Variants in CLSTN2 observed in about 807,000 individuals in gnomAD.
CLSTN2 encodes calsyntenin-2.
CLSTN2 carries 48 observed loss-of-function variants against 101.2 expected under a neutral mutation model. That is an observed-to-expected ratio of 0.47 (90% CI 0.38 to 0.60). The LOEUF (loss-of-function observed/expected upper bound fraction) is 0.60. Ranked by LOEUF, CLSTN2 falls within the 20% of genes least tolerant of loss-of-function variation. The pLI, the probability that CLSTN2 is intolerant of heterozygous loss-of-function variation, is 0.00. For synonymous variants in CLSTN2, 481 were observed against 463.6 expected (o/e 1.04, Z -0.48); for missense variants, 1,160 against 1,238.2 (o/e 0.94, Z 0.95).
intron 8 of CLSTN2, among the ~76,000 whole-genome samples, chr3:140,502,446 T>C (rs1934598254): frequency 6.6e-6 from 1 of 152,210 alleles, no homozygotes; most frequent in African/African-American, 2.4e-5. Context: ...GTCTTAGGCA[T>C]GCAGAAGCCA....
At position 140,041,974 on chromosome 3, in the gene CLSTN2, T is replaced by C. The variant is rs74694158; in HGVS notation, c.109+106491T>C. ...AGCCCTAGTCTTCGTTTGTTTATTT[T>C]CATACATAATGGCTGTATAATATAT... is the stretch of plus-strand genomic sequence containing the variant. On this transcript the variant is annotated intron_variant, in intron 1 of 16. Coordinates refer to ENST00000458420, the MANE Select transcript of CLSTN2 (RefSeq NM_022131.3). Among the ~76,000 whole-genome samples the C allele has an allele frequency of 1.6e-4, 24 of 152,332 alleles. No homozygotes were observed. The East Asian group carries it at 4.6e-3, about 29-fold the overall frequency.
intron 1 of CLSTN2, among the ~76,000 whole-genome samples, chr3:140,094,848 T>C (rs922958251): frequency 1.3e-5 from 2 of 152,224 alleles, no homozygotes; most frequent in Non-Finnish European, 2.9e-5. Flanking sequence ...TCTTCTGCTT[T>C]GTCAGAGGTT....
Position 140,137,903 on chromosome 3 carries a change from C to T in CLSTN2, c.110-38048C>T, listed in dbSNP as rs1459950722. Among the ~76,000 whole-genome samples the T allele has an allele frequency of 2.6e-5, 4 of 152,158 alleles. No homozygotes were observed. The East Asian group carries it at 7.7e-4, about 29-fold the overall frequency. On this transcript the variant is annotated intron_variant, in intron 1 of 16. Transcript: ENST00000458420. ...AATTTAAACCCAGGTCCATGTGATT[C>T]CAAACGCTTTCGCCTTCCCTATTAC...
chr3:140,209,028 A>G (rs938039623), intron 2 of CLSTN2, among the ~76,000 whole-genome samples: 6 of 152,246 alleles, frequency 3.9e-5, no homozygotes, highest in African/African-American at 1.4e-4. Flanking sequence ...GTGTCCTCAC[A>G]TCTTTACTAC....
intron 8 of CLSTN2, among the ~76,000 whole-genome samples, chr3:140,472,799 G>GTTT (rs1933882843): frequency 6.6e-6 from 1 of 152,168 alleles, no homozygotes; most frequent in Non-Finnish European, 1.5e-5. Context: ...ATGTATGTGT[G>GTTT]TTTTGGGGGT....
At chr3:140,332,694 T>C (rs2087395561) in intron 2 of CLSTN2, among the ~76,000 whole-genome samples, 1 of 129,440 alleles carries the variant, frequency 7.7e-6, no homozygotes, top group South Asian at 2.6e-4. Flanking sequence ...GTTTTTTCTT[T>C]TCTTTTCTGG....
At chr3:140,270,844 G>A (rs1214557444) in intron 2 of CLSTN2, among the ~76,000 whole-genome samples, 1 of 152,148 alleles carries the variant, frequency 6.6e-6, no homozygotes, top group Non-Finnish European at 1.5e-5. Context: ...GGTACCTGTA[G>A]TCCAGAGCAG....
At position 140,372,237 on chromosome 3, in the gene CLSTN2, C is replaced by A. The variant is rs112104857; in HGVS notation, c.233-31392C>A. Among the ~76,000 whole-genome samples the A allele has an allele frequency of 3.0e-3, 452 of 152,278 alleles. 6 individuals carry two copies. Among genetic ancestry groups the A allele is most frequent in the African/African-American group, 0.01 (436 of 41,582 alleles). On this transcript the variant is annotated intron_variant, in intron 2 of 16. Transcript: ENST00000458420. ...CTTCCTCAGAGCATCTTGAGATGGCCTCCTGATCCCCGTTGCTGGTCTCAT... is the reference window on the plus strand; with the variant it reads ...CTTCCTCAGAGCATCTTGAGATGGCATCCTGATCCCCGTTGCTGGTCTCAT...
At chr3:140,270,519 T>G (rs925185799) in intron 2 of CLSTN2, among the ~76,000 whole-genome samples, 1 of 152,266 alleles carries the variant, frequency 6.6e-6, no homozygotes, top group East Asian at 1.9e-4. Context: ...AAACCACATG[T>G]CACCTGGCCG....
intron 4 of CLSTN2, among the ~76,000 whole-genome samples, chr3:140,415,353 A>G (rs998602944): frequency 6.6e-6 from 1 of 152,066 alleles, no homozygotes; most frequent in Admixed American, 6.5e-5. Flanking sequence ...ATATCAAACT[A>G]AAAAGCTCTG....
intron 2 of CLSTN2, among the ~76,000 whole-genome samples, chr3:140,250,817 T>A (rs531128156): frequency 6.6e-6 from 1 of 152,246 alleles, no homozygotes; most frequent in African/African-American, 2.4e-5. Context: ...ATTTTAATAA[T>A]ACAGTCTTCA....
intron 1 of CLSTN2, among the ~76,000 whole-genome samples, chr3:140,134,808 A>G (rs1277903809): frequency 6.6e-6 from 1 of 152,018 alleles, no homozygotes; most frequent in East Asian, 1.9e-4. Flanking sequence ...ATGAGCTGTC[A>G]TTCCACTAAT....
chr3:140,044,038 T>C (rs1477955992), intron 1 of CLSTN2, among the ~76,000 whole-genome samples: 1 of 152,206 alleles, frequency 6.6e-6, no homozygotes, highest in Non-Finnish European at 1.5e-5. Context: ...GAACTTTACT[T>C]AAAGTAGTTT....
intron 1 of CLSTN2, among the ~76,000 whole-genome samples, chr3:140,000,971 T>G (rs1230232219): frequency 6.6e-6 from 1 of 152,172 alleles, no homozygotes; most frequent in African/African-American, 2.4e-5. Context: ...ATGAAGGCGC[T>G]TGTTGGACTG....
At chr3:140,032,082 C>A (rs905113277) in intron 1 of CLSTN2, among the ~76,000 whole-genome samples, 7 of 152,114 alleles carry the variant, frequency 4.6e-5, no homozygotes, top group African/African-American at 1.7e-4. Context: ...ACCTCCTTCC[C>A]CCACAGACCA....
At chr3:140,224,462 G>C (rs1432996270) in intron 2 of CLSTN2, among the ~76,000 whole-genome samples, 2 of 152,094 alleles carry the variant, frequency 1.3e-5, no homozygotes, top group African/African-American at 4.8e-5. Flanking sequence ...ACACATCAGG[G>C]AACATAATGA....
At chr3:139,952,576 T>C (rs1332211054) in intron 1 of CLSTN2, among the ~76,000 whole-genome samples, 1 of 152,178 alleles carries the variant, frequency 6.6e-6, no homozygotes, top group African/African-American at 2.4e-5. Flanking sequence ...TAAAGTCCTG[T>C]CAGTAAAAAC....
chr3:140,237,523 C>T (rs956913762), intron 2 of CLSTN2, among the ~76,000 whole-genome samples: 14 of 152,168 alleles, frequency 9.2e-5, no homozygotes, highest in Admixed American at 5.2e-4. Flanking sequence ...CTTCCCCGTA[C>T]ATGATAACTG....
intron 2 of CLSTN2, among the ~76,000 whole-genome samples, chr3:140,215,747 A>T (rs1358995370): frequency 1.3e-5 from 2 of 152,236 alleles, no homozygotes; most frequent in Non-Finnish European, 2.9e-5. Context: ...TAAAAATCAC[A>T]GTAATAGTGC....
Sources: gnomAD v4.1 joint callset for allele counts (sites outside exome capture counted in the v4.1 genomes callset) on GRCh38, gnomAD v4.1.1 for gene constraint, MANE v1.5 for transcripts, NCBI Gene and HGNC (gene_info 2026-07-23, HGNC 2026-07-21) for gene names.